The following ERC2 variants were observed in gnomAD, a reference collection of about 807,000 sequenced individuals.
The protein encoded by ERC2 is ELKS/RAB6-interacting/CAST family member 2.
ERC2 carries 42 observed loss-of-function variants against 114.8 expected under a neutral mutation model. That is an observed-to-expected ratio of 0.37 (90% CI 0.29 to 0.47). The LOEUF is 0.47. Among genes scored for constraint, ERC2 ranks in the 20% least tolerant of loss-of-function variants. ERC2 has a pLI of 0.99. For synonymous variants in ERC2, 454 were observed against 425.5 expected (o/e 1.07, Z -0.82); for missense variants, 939 against 1,150.7 (o/e 0.82, Z 2.66).
intron 2 of ERC2, among the ~76,000 whole-genome samples, chr3:56,352,805 C>T (rs1364678908): frequency 1.3e-5 from 2 of 152,170 alleles, no homozygotes; most frequent in Admixed American, 6.5e-5. Context: ...GACTGCCAGA[C>T]TGAGGGCCCT....
At chr3:56,459,355 T>C (rs182153177) in intron 1 of ERC2, among the ~76,000 whole-genome samples, 57 of 152,348 alleles carry the variant, frequency 3.7e-4, no homozygotes, top group African/African-American at 1.3e-3. Flanking sequence ...ATTCAAGCTC[T>C]TGTCTTCTGA....
intron 3 of ERC2, among the ~76,000 whole-genome samples, chr3:56,214,240 C>G (rs529575210): frequency 6.6e-6 from 1 of 152,038 alleles, no homozygotes; most frequent in African/African-American, 2.4e-5. Flanking sequence ...AGTTAAAAAC[C>G]TTGAAAAAAG....
chr3:55,927,671 G>C (rs563095886), intron 13 of ERC2, among the ~76,000 whole-genome samples: 20 of 151,894 alleles, frequency 1.3e-4, no homozygotes, highest in Non-Finnish European at 2.5e-4. Flanking sequence ...ATCCTGTCGT[G>C]TTATCAAATA....
chr3:55,618,536 G>A (rs1575791655), intron 17 of ERC2, among the ~76,000 whole-genome samples: 2 of 152,112 alleles, frequency 1.3e-5, no homozygotes, highest in South Asian at 2.1e-4. Flanking sequence ...TTCCATAGGT[G>A]TATATTTATT....
At position 55,791,577 on chromosome 3, in the gene ERC2, A is replaced by T. The variant is rs534601028; in HGVS notation, c.2565-56659T>A. ...TTAGGTCAAGCTAAAATCAAATGTC[A>T]TCTCATAATCTTATAATCTTCATAA... On this transcript the variant is annotated intron_variant, in intron 14 of 17. Transcript: ENST00000288221. 8.5e-5 allele frequency among the ~76,000 whole-genome samples: 13 copies of T among 152,328 alleles called. No homozygotes were observed. In the East Asian group the frequency reaches 1.7e-3, roughly 20 times the overall value.
intron 1 of ERC2, among the ~76,000 whole-genome samples, chr3:56,438,220 C>T (rs1027492287): frequency 2.0e-5 from 3 of 152,188 alleles, no homozygotes; most frequent in Admixed American, 6.5e-5. Context: ...AGCTCAAACT[C>T]GCCAGATTAC....
chr3:55,805,523 C>T (rs371692256), intron 14 of ERC2, among the ~76,000 whole-genome samples: 4 of 151,500 alleles, frequency 2.6e-5, no homozygotes, highest in East Asian at 3.9e-4. Flanking sequence ...GAATGATTGA[C>T]GAGTCCCACC....
At chr3:56,442,360 CA>C (rs1319039819) in intron 1 of ERC2, among the ~76,000 whole-genome samples, 1 of 152,148 alleles carries the variant, frequency 6.6e-6, no homozygotes, top group East Asian at 1.9e-4. Flanking sequence ...AGCTGGACCA[CA>C]AGCGCACACC....
intron 11 of ERC2, among the ~76,000 whole-genome samples, chr3:55,991,565 T>A (rs539793852): frequency 6.6e-6 from 1 of 152,230 alleles, no homozygotes; most frequent in Non-Finnish European, 1.5e-5. Context: ...ACCTCCAGGA[T>A]GAATTTGTCA....
At chr3:55,808,620 T>G (rs900964252) in intron 14 of ERC2, among the ~76,000 whole-genome samples, 2 of 148,566 alleles carry the variant, frequency 1.3e-5, no homozygotes, top group South Asian at 4.3e-4. Flanking sequence ...TTCTCCCATT[T>G]CACAGATGAA....
chr3:55,757,633 A>G (rs2067144190), intron 14 of ERC2, among the ~76,000 whole-genome samples: 1 of 152,166 alleles, frequency 6.6e-6, no homozygotes, highest in Admixed American at 6.5e-5. Flanking sequence ...ATGAGATACT[A>G]TATATAAAGA....
chr3:55,823,994 G>A (rs554627831), intron 14 of ERC2, among the ~76,000 whole-genome samples: 11 of 152,236 alleles, frequency 7.2e-5, no homozygotes, highest in Non-Finnish European at 1.2e-4. Flanking sequence ...GCTTGCAGAT[G>A]GCCACCTTCT....
chr3:55,650,202 T>C (rs2060557423), intron 17 of ERC2, among the ~76,000 whole-genome samples: 1 of 152,152 alleles, frequency 6.6e-6, no homozygotes, highest in African/African-American at 2.4e-5. Flanking sequence ...CCCACCACGG[T>C]GATTGTCATG....
At chr3:56,040,735 T>C (rs914557965) in intron 7 of ERC2, among the ~76,000 whole-genome samples, 3 of 144,410 alleles carry the variant, frequency 2.1e-5, no homozygotes, top group Admixed American at 6.9e-5. Context: ...GATATATCTC[T>C]ATATATATAG....
intron 16 of ERC2, among the ~76,000 whole-genome samples, chr3:55,697,893 A>C (rs2063017448): frequency 6.6e-6 from 1 of 151,944 alleles, no homozygotes; most frequent in Non-Finnish European, 1.5e-5. Flanking sequence ...AATGCCAAGG[A>C]GAAAAAGGCA....
chr3:55,669,773 A>G (rs999761425), intron 17 of ERC2, among the ~76,000 whole-genome samples: 2 of 152,230 alleles, frequency 1.3e-5, no homozygotes, highest in East Asian at 1.9e-4. Flanking sequence ...TTTTTGGTGC[A>G]TAGCATGAAG....
intron 3 of ERC2, among the ~76,000 whole-genome samples, chr3:56,187,164 G>A (rs548838531): frequency 3.3e-5 from 5 of 152,186 alleles, no homozygotes; most frequent in Non-Finnish European, 4.4e-5. Flanking sequence ...CTGTACCCTC[G>A]CTCCAGTCAG....
intron 13 of ERC2, among the ~76,000 whole-genome samples, chr3:55,900,932 G>C (rs2064102233): frequency 6.6e-6 from 1 of 152,176 alleles, no homozygotes; most frequent in African/African-American, 2.4e-5. Context: ...GCTCAGAAAG[G>C]GTAAAGGATT....
chr3:55,824,108 A>C (rs1428707365), intron 14 of ERC2, among the ~76,000 whole-genome samples: 3 of 152,200 alleles, frequency 2.0e-5, no homozygotes. Context: ...ATATTGGATT[A>C]GGGCCCTCCT....
Sources: gnomAD v4.1 joint callset for allele counts (sites outside exome capture counted in the v4.1 genomes callset) on GRCh38, gnomAD v4.1.1 for gene constraint, MANE v1.5 for transcripts, NCBI Gene and HGNC (gene_info 2026-07-23, HGNC 2026-07-21) for gene names.